DIP2A: variants seen among roughly 807,000 people sequenced by gnomAD.
The protein encoded by DIP2A is DIP2 acetate--CoA ligase A.
In DIP2A, 85 loss-of-function variants were observed where a neutral mutation model predicts 177.4. The observed-to-expected ratio is 0.48, with a 90% CI of 0.40 to 0.57. The LOEUF is 0.57. Among genes scored for constraint, DIP2A ranks in the 20% least tolerant of loss-of-function variants. The pLI, the probability that DIP2A is intolerant of heterozygous loss-of-function variation, is 0.00. For missense variants in DIP2A, 1,791 were observed against 2,100.2 expected (o/e 0.85, Z 2.88); for synonymous variants, 886 against 881.8 (o/e 1.00, Z -0.08).
the DIP2A span, among the ~76,000 whole-genome samples, chr21:46,575,804 T>C: frequency 6.6e-6 from 1 of 152,224 alleles, no homozygotes. Context: ...GTCTTAATAT[T>C]GTTAAGATGT....
chr21:46,526,180 G>C (rs1426048044), intron 8 of DIP2A, among the ~76,000 whole-genome samples: 1 of 151,880 alleles, frequency 6.6e-6, no homozygotes. Context: ...AAAGTGCTAG[G>C]ATTACAAGCG....
At chr21:46,581,492 G>A in the DIP2A span, among the ~76,000 whole-genome samples, 1 of 152,174 alleles carries the variant, frequency 6.6e-6, no homozygotes. Context: ...GCCCTTGCTG[G>A]AGAGGTGTTT....
intron 1 of DIP2A, among the ~76,000 whole-genome samples, chr21:46,477,463 G>A (rs1355733537): frequency 6.6e-6 from 1 of 150,716 alleles, no homozygotes; most frequent in Non-Finnish European, 1.5e-5. Flanking sequence ...GGAGGGTCAG[G>A]TTGCAGTGAG....
At chr21:46,504,516 G>C in intron 6 of DIP2A, 27 bp downstream of exon 6, 1 of 1,580,170 alleles carries the variant, frequency 6.3e-7, no homozygotes, top group South Asian at 1.2e-5. Context: ...TTCTCCTCGT[G>C]AAATAGCAGA....
intron 8 of DIP2A, among the ~76,000 whole-genome samples, chr21:46,525,203 G>A (rs1254846442): frequency 1.3e-5 from 2 of 148,890 alleles, no homozygotes; most frequent in East Asian, 2.0e-4. Context: ...TTGCTTTTAT[G>A]TTCTCTTTAA....
At chr21:46,533,483 T>C in intron 10 of DIP2A, 41 bp from the exon 11 acceptor site, 1 of 1,599,740 alleles carries the variant, frequency 6.3e-7, no homozygotes, top group East Asian at 2.2e-5. Flanking sequence ...CTGTGGCTGC[T>C]GTGAGCACCC....
In DIP2A at chr21:46,554,946, G is replaced by T. The variant is rs780411171; in HGVS notation, c.3388+13G>T. 1.3e-6 allele frequency: 2 copies of T among 1,549,340 alleles called. No homozygotes were observed. The highest frequency in any genetic ancestry group is 1.7e-6 in the Non-Finnish European group (2 of 1,146,024). ...ATCCTAGACACAGGTGCGTGTCCTCGCACTGCCCAGGACCAGTCCCTTTTC... is the reference window on the plus strand; with the variant it reads ...ATCCTAGACACAGGTGCGTGTCCTCTCACTGCCCAGGACCAGTCCCTTTTC... On this transcript the variant is annotated intron_variant, in intron 28 of 37. Transcript: ENST00000417564.
intron 2 of DIP2A, among the ~76,000 whole-genome samples, chr21:46,485,744 A>G (rs1346902673): frequency 6.6e-6 from 1 of 152,132 alleles, no homozygotes; most frequent in Non-Finnish European, 1.5e-5. Context: ...GACAAACTAC[A>G]GAGTGTGAGA....
At chr21:46,579,137 T>G in the DIP2A span, among the ~76,000 whole-genome samples, 1 of 152,210 alleles carries the variant, frequency 6.6e-6, no homozygotes, top group African/African-American at 2.4e-5. Context: ...ATTTCAGGAC[T>G]TATTATTGGT....
At position 46,556,010 on chromosome 21, in the gene DIP2A, C is replaced by T. The variant is rs370913538; in HGVS notation, c.3417C>T (p.Ser1139=). ...ACATCCCAAAAAAGAAGATAGCAAG[C>T]GTTTTCAGGCCCCCCTCCCCCGATG... is the stretch of plus-strand genomic sequence containing the variant. ...TDDIPKKKIA[S]VFRPPSPDVL... The change falls in exon 29 of 38, where the codon AGC becomes AGT. Residue 1139 remains serine, a synonymous_variant. Coordinates refer to ENST00000417564, the MANE Select transcript of DIP2A (RefSeq NM_015151.4). This position sits in a 1 kb window ranked among gnomAD's most constrained non-coding sequence, Gnocchi z 4.5. 8.9e-5 allele frequency: 144 copies of T among 1,613,736 alleles called. No individual in the cohort carries two copies. Among genetic ancestry groups the T allele is most frequent in the Non-Finnish European group, 6.0e-5 (71 of 1,179,802 alleles).
At position 46,558,345 on chromosome 21, in the gene DIP2A, C is replaced by T. The variant is rs774475810; in HGVS notation, c.3921C>T (p.Ala1307=). The T allele has an allele frequency of 7.5e-6, 12 of 1,607,390 alleles. No homozygotes were observed. Among genetic ancestry groups the T allele is most frequent in the Middle Eastern group, 3.3e-4 (2 of 6,052 alleles). The change falls in exon 32 of 38, where the codon GCC becomes GCT. Residue 1307 remains alanine (A), a synonymous_variant. Transcript: ENST00000417564. ...AGGACCTGGGCCTGCCGGCCCGCGC[C>T]GTAAGCACCACGTTCGGGTGCAGGG... ...LFKDLGLPAR[A]VSTTFGCRVN...
Position 46,498,908 on chromosome 21 carries a change from AGGGCACCT to A in DIP2A, c.655+77_655+84del. 1 of 1,475,868 alleles carries A rather than the reference AGGGCACCT, an allele frequency of 6.8e-7. No homozygotes were observed. Among genetic ancestry groups the A allele is most frequent in the African/African-American group, 1.4e-5 (1 of 71,560 alleles). The allele number at this position is 1,475,868 out of a possible 1,614,324, so 91.4% of individuals were successfully genotyped here. ...GTGTCCAGGACAGAGGAGCAGATGGAGGGCACCTGAGCCAGGCGCCACCCTGCAGACTT... is the reference window on the plus strand; with the variant it reads ...GTGTCCAGGACAGAGGAGCAGATGGAGAGCCAGGCGCCACCCTGCAGACTT... On this transcript the variant is annotated intron_variant, in intron 5 of 37. Transcript: ENST00000417564. The surrounding 1 kb of genome is among the most constrained non-coding windows in gnomAD (Gnocchi z 4.3).
At chr21:46,528,527 C>CCTTTTTTTTTTTTT (rs2059207496) in intron 8 of DIP2A, among the ~76,000 whole-genome samples, 1 of 29,380 alleles carries the variant, frequency 3.4e-5, no homozygotes, top group Non-Finnish European at 5.6e-5. Flanking sequence ...TTTCTGCTTG[C>CCTTTTTTTTTTTTT]TTTTTTTTTT....
Position 46,498,696 on chromosome 21 carries a change from G to A in DIP2A, c.518G>A (p.Gly173Asp). 1.2e-6 allele frequency: 2 copies of A among 1,613,818 alleles called. No homozygotes were observed. Among genetic ancestry groups the A allele is most frequent in the South Asian group, 1.1e-5 (1 of 91,070 alleles). ...VEPWLDRVIQ[G>D]SSTSSSASST... is the part of the protein sequence containing the mutation. ...CCCTGGCTCGACCGGGTCATTCAGG[G>A]CTCGTCCACCTCATCCTCTGCATCC... The change falls in exon 5 of 38, where the codon GGC becomes GAC. Residue 173 changes from glycine (G) to aspartate (D), a missense_variant. Transcript: ENST00000417564. This position sits in a 1 kb window ranked among gnomAD's most constrained non-coding sequence, Gnocchi z 4.3.
At chr21:46,571,184 C>T (rs1948091935), downstream of DIP2A, among the ~76,000 whole-genome samples, 1 of 152,112 alleles carries the variant, frequency 6.6e-6, no homozygotes, top group Non-Finnish European at 1.5e-5. Context: ...TGCCAGGGAT[C>T]GAGGTTGCAC....
chr21:46,513,001 A>G (rs1219918610), intron 8 of DIP2A, among the ~76,000 whole-genome samples: 1 of 151,978 alleles, frequency 6.6e-6, no homozygotes, highest in Non-Finnish European at 1.5e-5. Context: ...CTTTCCTGAG[A>G]TGCATGTTTT....
At position 46,505,602 on chromosome 21, in the gene DIP2A, C is replaced by A. The variant is rs183645786; in HGVS notation, c.784+1113C>A. Among the ~76,000 whole-genome samples, 261 of 152,214 alleles carry A rather than the reference C, an allele frequency of 1.7e-3. 2 individuals are homozygous for A. Among genetic ancestry groups the A allele is most frequent in the African/African-American group, 5.9e-3 (245 of 41,538 alleles). On this transcript the variant is annotated intron_variant, in intron 6 of 37. Coordinates refer to ENST00000417564, the MANE Select transcript of DIP2A (RefSeq NM_015151.4). ...CCAGCCTGGGCGATAGAGTGAGACT[C>A]CTTTCTCAAAAGTTTTAAGACATTT...
At chr21:46,486,487 C>G (rs2056705821) in intron 2 of DIP2A, among the ~76,000 whole-genome samples, 1 of 152,220 alleles carries the variant, frequency 6.6e-6, no homozygotes, top group South Asian at 2.1e-4. Flanking sequence ...AGCCACCACA[C>G]CTTCCCTTAA....
At chr21:46,486,047 G>C (rs1372703842) in intron 2 of DIP2A, among the ~76,000 whole-genome samples, 1 of 141,296 alleles carries the variant, frequency 7.1e-6, no homozygotes, top group Admixed American at 7.4e-5. Flanking sequence ...CTCCAGCCTG[G>C]GCGACAGAGT....
Sources: gnomAD v4.1 joint callset for allele counts (sites outside exome capture counted in the v4.1 genomes callset) on GRCh38, gnomAD v4.1.1 for gene constraint, Gnocchi (gnomAD v3.1) non-coding constraint, MANE v1.5 for transcripts, NCBI Gene and HGNC (gene_info 2026-07-23, HGNC 2026-07-21) for gene names.